CSMD2: variants seen among roughly 807,000 people sequenced by gnomAD.
CSMD2 encodes the protein CUB and Sushi multiple domains 2.
A neutral mutation model predicts 398.5 loss-of-function variants in CSMD2; 130 were observed. That is an observed-to-expected ratio of 0.33 (90% CI 0.28 to 0.38). The LOEUF (loss-of-function observed/expected upper bound fraction) is 0.38, where lower values mean the gene tolerates loss of function less well. Ranked by LOEUF, CSMD2 falls within the 10% of genes least tolerant of loss-of-function variation. The probability of loss-of-function intolerance (pLI) is 1.00; values close to 1 mark genes in which losing one functional copy is unlikely to be tolerated. For missense variants in CSMD2, 3,829 were observed against 4,764.9 expected (o/e 0.80, Z 5.78); for synonymous variants, 1,828 against 1,908.5 (o/e 0.96, Z 1.10).
chr1:33,548,918 A>T (rs1327817465), intron 56 of CSMD2, among the ~76,000 whole-genome samples: 1 of 152,182 alleles, frequency 6.6e-6, no homozygotes, highest in Admixed American at 6.5e-5. Flanking sequence ...GCCCAGCTAA[A>T]TGAGTCATCA....
chr1:33,800,575 G>T (rs1486985920), intron 10 of CSMD2, among the ~76,000 whole-genome samples: 13 of 152,170 alleles, frequency 8.5e-5, no homozygotes, highest in Admixed American at 2.0e-4. Flanking sequence ...TGCCAATAGA[G>T]ACCTCTAAGT....
At chr1:34,134,834 T>A (rs1484504736) in intron 1 of CSMD2, among the ~76,000 whole-genome samples, 1 of 152,230 alleles carries the variant, frequency 6.6e-6, no homozygotes, top group Non-Finnish European at 1.5e-5. Flanking sequence ...ATGCTTAGTT[T>A]CAGTTATAAT....
intron 1 of CSMD2, among the ~76,000 whole-genome samples, chr1:34,120,528 C>A (rs1437209497): frequency 2.6e-5 from 4 of 152,096 alleles, no homozygotes; most frequent in Non-Finnish European, 5.9e-5. Flanking sequence ...TATAGTAGGA[C>A]AACAATTAAT....
At chr1:34,093,529 A>T (rs1350286328) in intron 1 of CSMD2, among the ~76,000 whole-genome samples, 2 of 152,024 alleles carry the variant, frequency 1.3e-5, no homozygotes, top group South Asian at 2.1e-4. Flanking sequence ...AGAAGAATGT[A>T]TAACTAGAAT....
At chr1:33,541,349 G>A (rs778143858) in intron 58 of CSMD2, 40 bp from the exon 59 acceptor site, 2 of 1,514,130 alleles carry the variant, frequency 1.3e-6, no homozygotes, top group South Asian at 2.3e-5. Flanking sequence ...CTCCTGGCCA[G>A]GACCCCACTT....
chr1:33,874,951 C>T (rs766748738), intron 5 of CSMD2, among the ~76,000 whole-genome samples: 1 of 152,178 alleles, frequency 6.6e-6, no homozygotes, highest in Non-Finnish European at 1.5e-5. Context: ...AAGAATCTGG[C>T]CAGGCTCCTC....
intron 2 of CSMD2, among the ~76,000 whole-genome samples, chr1:34,040,523 G>A (rs779849039): frequency 1.3e-5 from 2 of 152,226 alleles, no homozygotes; most frequent in African/African-American, 2.4e-5. Context: ...CAAGAGCCAT[G>A]GCTGAGTTTG....
chr1:33,562,918 CCTCCACAATTGTG>C (rs1393130118), intron 53 of CSMD2, among the ~76,000 whole-genome samples: 1 of 152,214 alleles, frequency 6.6e-6, no homozygotes, highest in Non-Finnish European at 1.5e-5. Context: ...GACTTGCCAG[CCTCCACAATTGTG>C]TGAGCCAGTT....
intron 6 of CSMD2, among the ~76,000 whole-genome samples, chr1:33,833,718 G>C (rs891847425): frequency 7.9e-5 from 12 of 151,670 alleles, no homozygotes; most frequent in South Asian, 2.1e-4. Context: ...AATTGTCCCT[G>C]TTTGCAGATG....
At chr1:33,894,257 G>C (rs2281597) in intron 5 of CSMD2, among the ~76,000 whole-genome samples, 124,143 of 152,042 alleles carry the variant, frequency 0.82, 51,445 homozygotes, top group African/African-American at 0.95. Flanking sequence ...ACTGCCTTTT[G>C]ATACACGTAC....
intron 27 of CSMD2, among the ~76,000 whole-genome samples, chr1:33,654,481 T>C (rs994945420): frequency 6.6e-6 from 1 of 152,072 alleles, no homozygotes; most frequent in East Asian, 1.9e-4. Flanking sequence ...GAGAGCACAG[T>C]TGTTGCAGGA....
intron 6 of CSMD2, among the ~76,000 whole-genome samples, chr1:33,829,897 C>A (rs537255022): frequency 7.6e-4 from 116 of 152,310 alleles, no homozygotes; most frequent in African/African-American, 2.7e-3. Flanking sequence ...CACGGAGTGT[C>A]GCTGATTGCT....
chr1:33,684,850 T>C (rs1645016995), intron 25 of CSMD2, among the ~76,000 whole-genome samples: 2 of 152,252 alleles, frequency 1.3e-5, no homozygotes, highest in South Asian at 4.1e-4. Flanking sequence ...ACTTTTCTAT[T>C]GTGTTTCGTG....
rs371054072 is a variant in CSMD2, at chr1:33,626,608, A to G, written c.5201-27T>C. On this transcript the variant is annotated intron_variant, in intron 32 of 70. Coordinates refer to ENST00000373381, the MANE Select transcript of CSMD2 (RefSeq NM_001281956.2). ...TGCCGAGATAAGGGGCAAGGAGGAG[A>G]GAACAGTGAGTCCAGCAGGTGGGCC... 13 of 1,537,664 alleles carry G rather than the reference A, an allele frequency of 8.5e-6. No individual in the cohort carries two copies. The African/African-American group carries it at 1.6e-4, about 19-fold the overall frequency.
chr1:33,623,211 C>T (rs1471808940), intron 36 of CSMD2, among the ~76,000 whole-genome samples, 159 bp downstream of exon 36: 1 of 152,090 alleles, frequency 6.6e-6, no homozygotes, highest in Non-Finnish European at 1.5e-5. Context: ...GTTGCAGGAC[C>T]TTTCGAATCT....
chr1:33,804,989 T>C (rs1656058494), intron 10 of CSMD2: 1 of 685,770 alleles, frequency 1.5e-6, no homozygotes, highest in Non-Finnish European at 2.7e-6. Context: ...TTAGAAACAC[T>C]GCTCTGCACA....
intron 13 of CSMD2, among the ~76,000 whole-genome samples, chr1:33,755,908 A>G (rs1380154944): frequency 2.6e-5 from 4 of 151,824 alleles, no homozygotes; most frequent in East Asian, 1.9e-4. Context: ...CTTGTACACA[A>G]GTTTTTGTGT....
At chr1:33,937,183 G>A (rs553906435) in intron 3 of CSMD2, among the ~76,000 whole-genome samples, 73 of 152,304 alleles carry the variant, frequency 4.8e-4, no homozygotes, top group African/African-American at 1.7e-3. Context: ...TGAGTACAAC[G>A]CAAGTGAATC....
intron 41 of CSMD2, among the ~76,000 whole-genome samples, chr1:33,608,711 A>G (rs1392637766): frequency 1.3e-5 from 2 of 152,164 alleles, no homozygotes; most frequent in Admixed American, 1.3e-4. Context: ...AAGAGCTGAG[A>G]ATGCCAAGAT....
Sources: gnomAD v4.1 joint callset for allele counts (sites outside exome capture counted in the v4.1 genomes callset) on GRCh38, gnomAD v4.1.1 for gene constraint, MANE v1.5 for transcripts, NCBI Gene and HGNC (gene_info 2026-07-23, HGNC 2026-07-21) for gene names.